The following RGL1 variants were observed in gnomAD, a reference collection of about 807,000 sequenced individuals.
RGL1 encodes the protein ral guanine nucleotide dissociation stimulator like 1.
Under a neutral mutation model 95.2 loss-of-function variants are expected in RGL1, and 24 were observed. That is an observed-to-expected ratio of 0.25 (90% CI 0.18 to 0.35). RGL1 has a LOEUF of 0.35. Ranked by LOEUF, RGL1 falls within the 10% of genes least tolerant of loss-of-function variation. The pLI, the probability that RGL1 is intolerant of heterozygous loss-of-function variation, is 1.00. For missense variants in RGL1, 715 were observed against 936.3 expected (o/e 0.76, Z 3.08); for synonymous variants, 329 against 344.9 (o/e 0.95, Z 0.51).
At chr1:183,788,350 T>C (rs1187245242) in intron 2 of RGL1, among the ~76,000 whole-genome samples, 2 of 152,116 alleles carry the variant, frequency 1.3e-5, no homozygotes, top group Non-Finnish European at 2.9e-5. Flanking sequence ...CAGGGAAAAA[T>C]GGGACAAATT....
At chr1:183,690,599 C>A (rs930058716) in intron 1 of RGL1, among the ~76,000 whole-genome samples, 1 of 152,054 alleles carries the variant, frequency 6.6e-6, no homozygotes, top group African/African-American at 2.4e-5. Context: ...GGCTACACTG[C>A]CTGTTTGAGA....
At chr1:183,812,670 G>A (rs550684728) in intron 2 of RGL1, among the ~76,000 whole-genome samples, 36 of 152,334 alleles carry the variant, frequency 2.4e-4, no homozygotes, top group Non-Finnish European at 3.5e-4. Context: ...AATCAAATGC[G>A]AGTGACAGGT....
chr1:183,787,901 C>T (rs1660258161), intron 2 of RGL1, among the ~76,000 whole-genome samples: 1 of 152,102 alleles, frequency 6.6e-6, no homozygotes, highest in Non-Finnish European at 1.5e-5. Context: ...TTACAGCTCC[C>T]CTTCACCTTC....
chr1:183,775,381 G>GATT (rs1279565196), intron 2 of RGL1, among the ~76,000 whole-genome samples: 1 of 152,206 alleles, frequency 6.6e-6, no homozygotes, highest in African/African-American at 2.4e-5. Context: ...GCAGTGCACT[G>GATT]ATTTAATTTT....
At chr1:183,910,890 C>A (rs1255234238) in intron 14 of RGL1, among the ~76,000 whole-genome samples, 1 of 152,200 alleles carries the variant, frequency 6.6e-6, no homozygotes, top group Non-Finnish European at 1.5e-5. Flanking sequence ...TATTTTGCAG[C>A]TTGGCTTATA....
At chr1:183,852,495 T>G (rs1664882494) in intron 3 of RGL1, among the ~76,000 whole-genome samples, 1 of 152,146 alleles carries the variant, frequency 6.6e-6, no homozygotes. Context: ...TTTTCTTTTA[T>G]CTAACTTCAA....
intron 2 of RGL1, among the ~76,000 whole-genome samples, chr1:183,817,494 G>T (rs1662165638): frequency 6.6e-6 from 1 of 151,854 alleles, no homozygotes; most frequent in African/African-American, 2.4e-5. Context: ...AGATTCCAGG[G>T]TCTTTGGCTG....
rs1358675639 is a variant in RGL1 at position 183,647,716 on chromosome 1, C to T, written c.-33+11215C>T. 15 of 1,607,668 alleles carry T rather than the reference C, an allele frequency of 9.3e-6. No homozygotes were observed. The highest frequency in any genetic ancestry group is 1.2e-5 in the Non-Finnish European group (14 of 1,175,178). ...TTCTTCTTCTTCTTTTCATCTGCCTCCTTGCTACTTGCAAACTGTTCTGTG... is the reference window on the plus strand; with the variant it reads ...TTCTTCTTCTTCTTTTCATCTGCCTTCTTGCTACTTGCAAACTGTTCTGTG... On this transcript the variant is annotated intron_variant, in intron 1 of 18. Coordinates refer to the RGL1 transcript ENST00000304685.
intron 2 of RGL1, among the ~76,000 whole-genome samples, chr1:183,835,484 C>T (rs112466598): frequency 3.9e-5 from 6 of 152,264 alleles, no homozygotes; most frequent in Non-Finnish European, 5.9e-5. Flanking sequence ...CATGCAGAAG[C>T]CAGCTTCTCC....
intron 1 of RGL1, among the ~76,000 whole-genome samples, chr1:183,657,828 A>G (rs1651292965): frequency 6.6e-6 from 1 of 151,766 alleles, no homozygotes; most frequent in East Asian, 1.9e-4. Flanking sequence ...GCTGGGTCAA[A>G]TGGTATTTCT....
At chr1:183,874,708 C>T (rs1269171120) in intron 4 of RGL1, among the ~76,000 whole-genome samples, 6 of 152,122 alleles carry the variant, frequency 3.9e-5, no homozygotes, top group South Asian at 2.1e-4. Flanking sequence ...AAAAAAGCAA[C>T]GCAGGACAAC....
chr1:183,840,793 G>A (rs1664007740), intron 2 of RGL1, among the ~76,000 whole-genome samples: 1 of 152,150 alleles, frequency 6.6e-6, no homozygotes, highest in Non-Finnish European at 1.5e-5. Context: ...TTGGGAGGCT[G>A]AGGTGGGAGG....
At chr1:183,664,701 A>G (rs943281464) in intron 1 of RGL1, among the ~76,000 whole-genome samples, 2 of 152,174 alleles carry the variant, frequency 1.3e-5, no homozygotes, top group African/African-American at 4.8e-5. Flanking sequence ...TGAGACAGTG[A>G]TAAAGCTAAG....
intron 3 of RGL1, among the ~76,000 whole-genome samples, chr1:183,862,491 G>A (rs1016156933): frequency 8.5e-5 from 13 of 152,308 alleles, no homozygotes; most frequent in African/African-American, 2.9e-4. Flanking sequence ...TTGGAATAGC[G>A]TGTATACTTT....
chr1:183,756,677 G>A (rs943931273), intron 2 of RGL1, among the ~76,000 whole-genome samples: 2 of 152,092 alleles, frequency 1.3e-5, no homozygotes, highest in Admixed American at 6.5e-5. Context: ...GATTATTTGG[G>A]GTTGTTCTTT....
intron 4 of RGL1, among the ~76,000 whole-genome samples, chr1:183,872,289 A>G (rs182521130): frequency 6.6e-6 from 1 of 152,348 alleles, no homozygotes; most frequent in African/African-American, 2.4e-5. Context: ...CATTCTCTGA[A>G]TTTTATATGA....
At chr1:183,854,914 T>C (rs188573931) in intron 3 of RGL1, among the ~76,000 whole-genome samples, 26 of 152,258 alleles carry the variant, frequency 1.7e-4, no homozygotes, top group Admixed American at 6.5e-4. Flanking sequence ...GGCTGAAAAA[T>C]ATTAAGTGCT....
At chr1:183,865,019 A>G (rs764641061) in intron 3 of RGL1, among the ~76,000 whole-genome samples, 58 of 152,358 alleles carry the variant, frequency 3.8e-4, no homozygotes, top group Admixed American at 8.5e-4. Context: ...AAACTTTGGG[A>G]CAGACTACTC....
intron 1 of RGL1, among the ~76,000 whole-genome samples, chr1:183,682,470 T>G (rs182451057): frequency 6.6e-6 from 1 of 152,280 alleles, no homozygotes; most frequent in East Asian, 1.9e-4. Flanking sequence ...CTTGTAGTTG[T>G]GCGCTTTTGA....
Sources: allele counts gnomAD v4.1 joint callset (sites outside exome capture counted in the v4.1 genomes callset), GRCh38; gene constraint gnomAD v4.1.1; transcripts MANE v1.5; gene names NCBI Gene and HGNC (gene_info 2026-07-23, HGNC 2026-07-21).